Variants in PPIG observed in about 807,000 individuals in gnomAD.
The protein encoded by PPIG is peptidylprolyl isomerase G.
A neutral mutation model predicts 87.9 loss-of-function variants in PPIG; 26 were observed. The observed-to-expected ratio is 0.30, with a 90% CI of 0.22 to 0.41. PPIG has a LOEUF of 0.41. Ranked by LOEUF, PPIG falls within the 10% of genes least tolerant of loss-of-function variation. The probability of loss-of-function intolerance (pLI) is 1.00; values close to 1 mark genes in which losing one functional copy is unlikely to be tolerated. For missense variants in PPIG, 722 were observed against 879.4 expected (o/e 0.82, Z 2.26); for synonymous variants, 308 against 276.5 (o/e 1.11, Z -1.13).
Position 169,606,157 on chromosome 2 carries a change from G to A in PPIG, c.244+11G>A, listed in dbSNP as rs903705426. The A allele has an allele frequency of 9.1e-6, 14 of 1,537,284 alleles. No individual in the cohort carries two copies. Among genetic ancestry groups the A allele is most frequent in the East Asian group, 9.0e-5 (4 of 44,452 alleles). On this transcript the variant is annotated intron_variant, in intron 5 of 13. Coordinates refer to ENST00000260970, the MANE Select transcript of PPIG (RefSeq NM_004792.3). ...GTGACTTCAGTGAAGGTGAGACTTG[G>A]AAAAATCATGTATTATTTTCTGTTA...
intron 9 of PPIG, 55 bp downstream of exon 9, chr2:169,614,779 A>C: frequency 6.8e-7 from 1 of 1,478,290 alleles, no homozygotes; most frequent in Non-Finnish European, 9.0e-7. Context: ...ATAAGCAGAG[A>C]TACTCTAAAT....
At chr2:169,591,920 A>ATTTTTTTTTTT (rs3067016) in intron 1 of PPIG, among the ~76,000 whole-genome samples, 5 of 87,410 alleles carry the variant, frequency 5.7e-5, no homozygotes, top group East Asian at 4.0e-4. Flanking sequence ...GCAATTCATG[A>ATTTTTTTTTTT]TTTTTTTTTT....
chr2:169,607,311 A>G (rs899996903), intron 6 of PPIG, among the ~76,000 whole-genome samples, 163 bp downstream of exon 6: 4 of 152,150 alleles, frequency 2.6e-5, no homozygotes, highest in Admixed American at 6.6e-5. Flanking sequence ...TGCTTTTTAT[A>G]CAGATGGGTA....
chr2:169,605,943 CT>C (rs1685314307), intron 4 of PPIG, 95 bp from the exon 5 acceptor site: 1 of 780,896 alleles, frequency 1.3e-6, no homozygotes, highest in South Asian at 1.7e-5. Context: ...GATTTTAAGT[CT>C]GCAGGGTTCA....
chr2:169,617,713 G>A (rs1164298539), intron 9 of PPIG, among the ~76,000 whole-genome samples: 1 of 152,162 alleles, frequency 6.6e-6, no homozygotes, highest in Non-Finnish European at 1.5e-5. Context: ...TGTATCCGGA[G>A]ACTTTGCTGA....
At chr2:169,619,906 C>A (rs1685698121) in intron 9 of PPIG, among the ~76,000 whole-genome samples, 1 of 152,042 alleles carries the variant, frequency 6.6e-6, no homozygotes. Context: ...TCTTCAGATT[C>A]TTTTCCCATT....
chr2:169,633,308 T>A, intron 12 of PPIG, 61 bp downstream of exon 12: 1 of 1,288,150 alleles, frequency 7.8e-7, no homozygotes, highest in Non-Finnish European at 1.1e-6. Flanking sequence ...TAAATAATTT[T>A]AGGGTGTTTC....
At chr2:169,634,490 C>T (rs576452407) in intron 12 of PPIG, among the ~76,000 whole-genome samples, 2 of 152,264 alleles carry the variant, frequency 1.3e-5, no homozygotes, top group Admixed American at 1.3e-4. Context: ...CGGCATTTTT[C>T]AGCTCCAAAG....
chr2:169,599,938 A>T (rs1049475078), intron 1 of PPIG, among the ~76,000 whole-genome samples: 9 of 152,142 alleles, frequency 5.9e-5, no homozygotes, highest in African/African-American at 2.2e-4. Flanking sequence ...TCATAAGTTC[A>T]AATCTGTTTA....
rs1188383759 is a variant in PPIG at position 169,637,389 on chromosome 2, G to A, written c.2131G>A (p.Asp711Asn). 2 of 1,612,750 alleles carry A rather than the reference G, an allele frequency of 1.2e-6. No homozygotes were observed. Among genetic ancestry groups the A allele is most frequent in the Admixed American group, 1.7e-5 (1 of 59,870 alleles). Residue 711 changes from aspartate (D) to asparagine (N), a missense_variant, in exon 14 of 14, where the codon GAT becomes AAT. Around this residue, in one of 4 missense-constraint regions of PPIG, gnomAD observed 476 missense variants for 483.1 expected, o/e 0.99. Coordinates refer to ENST00000260970, the MANE Select transcript of PPIG (RefSeq NM_004792.3). Reference protein sequence around the residue: ...LKSSMLKNKEDEKIRSSVEKE... With the variant: ...LKSSMLKNKENEKIRSSVEKE... ...GTCCTCCATGTTGAAAAATAAGGAG[G>A]ATGAGAAGATCAGATCCTCAGTGGA...
chr2:169,593,759 C>T (rs1345930083), intron 1 of PPIG, among the ~76,000 whole-genome samples: 4 of 147,116 alleles, frequency 2.7e-5, no homozygotes, highest in Non-Finnish European at 4.5e-5. Context: ...TCACGCCATT[C>T]TCCTGCCTCA....
chr2:169,637,406 C>T lies in PPIG; in HGVS notation c.2148C>T (p.Ser716=), dbSNP rs1456693911. 1 of 1,612,766 alleles carries T rather than the reference C, an allele frequency of 6.2e-7. No homozygotes were observed. Among genetic ancestry groups the T allele is most frequent in the South Asian group, 1.1e-5 (1 of 90,816 alleles). The stretch of plus-strand genomic sequence containing the variant: ...ATAAGGAGGATGAGAAGATCAGATC[C>T]TCAGTGGAAAAAGAAAACCAAAAAT... ...LKNKEDEKIR[S]SVEKENQKSK... The change falls in exon 14 of 14, where the codon TCC becomes TCT. Residue 716 remains serine, a synonymous_variant. Coordinates refer to ENST00000260970, the MANE Select transcript of PPIG (RefSeq NM_004792.3).
intron 1 of PPIG, among the ~76,000 whole-genome samples, chr2:169,591,920 A>ATTTTTTTTTTTTTTTTTTTT (rs3067016): frequency 1.1e-5 from 1 of 87,410 alleles, no homozygotes; most frequent in Non-Finnish European, 2.0e-5. Context: ...GCAATTCATG[A>ATTTTTTTTTTTTTTTTTTTT]TTTTTTTTTT....
chr2:169,586,653 T>C (rs1684713209), intron 1 of PPIG, among the ~76,000 whole-genome samples: 1 of 152,212 alleles, frequency 6.6e-6, no homozygotes, highest in East Asian at 1.9e-4. Context: ...ATCCTCTTCT[T>C]TATACAAAGG....
chr2:169,631,480 A>T, intron 10 of PPIG: 3 of 805,976 alleles, frequency 3.7e-6, no homozygotes, highest in Non-Finnish European at 4.9e-6. Context: ...AAAGTATTTT[A>T]AATTTATCAG....
chr2:169,631,029 T>G, intron 10 of PPIG, 42 bp downstream of exon 10: 1 of 1,475,994 alleles, frequency 6.8e-7, no homozygotes, highest in Admixed American at 2.6e-5. Flanking sequence ...ATATTCTGAT[T>G]TCCTTTCTGT....
intron 1 of PPIG, among the ~76,000 whole-genome samples, chr2:169,585,104 C>T (rs2105465035): frequency 6.6e-6 from 1 of 152,264 alleles, no homozygotes; most frequent in South Asian, 2.1e-4. Context: ...TTTTCTAAAA[C>T]TCAAGTCCAG....
intron 9 of PPIG, among the ~76,000 whole-genome samples, chr2:169,626,068 T>A (rs1482095627): frequency 6.6e-6 from 1 of 152,224 alleles, no homozygotes; most frequent in Non-Finnish European, 1.5e-5. Context: ...TTCATCTCCA[T>A]GTTCTGACAT....
At chr2:169,631,665 A>G in intron 10 of PPIG, 101 bp from the exon 11 acceptor site, 6 of 1,576,922 alleles carry the variant, frequency 3.8e-6, no homozygotes, top group Non-Finnish European at 4.3e-6. Flanking sequence ...CAGGATGTTT[A>G]TATTATAGTG....
Sources: allele counts gnomAD v4.1 joint callset (sites outside exome capture counted in the v4.1 genomes callset), GRCh38; gene constraint gnomAD v4.1.1; regional missense constraint gnomAD v4.1.1; transcripts MANE v1.5; gene names NCBI Gene and HGNC (gene_info 2026-07-23, HGNC 2026-07-21).